Variants in RGS18 observed in about 807,000 individuals in gnomAD.
RGS18 encodes regulator of G protein signaling 18, also known as regulator of G-protein signaling 18.
A neutral mutation model predicts 27.6 loss-of-function variants in RGS18; 22 were observed. That is an observed-to-expected ratio of 0.80 (90% confidence interval 0.57 to 1.14). RGS18 has a LOEUF of 1.14. Among genes scored for constraint, RGS18 ranks in the 50% most tolerant of loss-of-function variants. RGS18 has a pLI of 0.00. For missense variants in RGS18, 299 were observed against 269.6 expected (o/e 1.11, Z -0.76); for synonymous variants, 89 against 84.6 (o/e 1.05, Z -0.29).
At chr1:192,168,922 A>G (rs573222941) in intron 3 of RGS18, 1 of 152,218 alleles carries the variant, frequency 6.6e-6, no homozygotes, top group African/African-American at 2.4e-5. Flanking sequence ...AACAAGACTT[A>G]CTCCGTAGGG....
chr1:192,184,415 C>T lies in RGS18; in HGVS notation c.569C>T (p.Thr190Ile), dbSNP rs751299885. 6.2e-7 allele frequency: 1 copy of T among 1,611,848 alleles called. No individual in the cohort carries two copies. The highest frequency in any genetic ancestry group is 2.2e-5 in the East Asian group (1 of 44,784). ...CAGCTCATGGAACAAGACAGTTATA[C>T]ACGTTTTCTGAAATCTGACATCTAT... Reference protein sequence around the residue: ...VYQLMEQDSYTRFLKSDIYLD... With the variant: ...VYQLMEQDSYIRFLKSDIYLD... Residue 190 changes from threonine to isoleucine, a missense_variant, in exon 5 of 5, where the codon ACA becomes ATA. Transcript: ENST00000367460.
chr1:192,171,376 A>G (rs1656252937), intron 3 of RGS18, among the ~76,000 whole-genome samples: 1 of 152,088 alleles, frequency 6.6e-6, no homozygotes, highest in South Asian at 2.1e-4. Flanking sequence ...ACTAGAAATT[A>G]TCTTACTAGC....
intron 3 of RGS18, among the ~76,000 whole-genome samples, chr1:192,176,016 G>A (rs763621342): frequency 1.4e-4 from 22 of 151,786 alleles, no homozygotes; most frequent in Admixed American, 3.9e-4. Flanking sequence ...CATGGCAGCC[G>A]AGGGATCCCA....
At chr1:192,174,310 G>T (rs1315648639) in intron 3 of RGS18, among the ~76,000 whole-genome samples, 1 of 151,616 alleles carries the variant, frequency 6.6e-6, no homozygotes, top group Non-Finnish European at 1.5e-5. Context: ...ATATCTGTAA[G>T]GTATCAAGCT....
chr1:192,174,017 C>CT (rs1034505534), intron 3 of RGS18, among the ~76,000 whole-genome samples: 19 of 149,000 alleles, frequency 1.3e-4, no homozygotes, highest in South Asian at 2.1e-4. Flanking sequence ...TTTTTTCTTT[C>CT]TTTTTTTTTA....
chr1:192,162,811 T>A, intron 3 of RGS18, among the ~76,000 whole-genome samples: 1 of 152,114 alleles, frequency 6.6e-6, no homozygotes, highest in Non-Finnish European at 1.5e-5. Context: ...GCACTGCCCT[T>A]TAGACTCCTC....
chr1:192,180,115 T>G (rs1359842156), intron 3 of RGS18, among the ~76,000 whole-genome samples: 4 of 151,658 alleles, frequency 2.6e-5, no homozygotes, highest in African/African-American at 7.2e-5. Flanking sequence ...TGTCTAGTTT[T>G]GAAGTCACAT....
At chr1:192,174,151 G>T (rs1258245593) in intron 3 of RGS18, among the ~76,000 whole-genome samples, 1 of 151,402 alleles carries the variant, frequency 6.6e-6, no homozygotes, top group African/African-American at 2.4e-5. Flanking sequence ...TTTGCCTTGT[G>T]ATTTCTCTAA....
chr1:192,176,486 T>G (rs12087357), intron 3 of RGS18, among the ~76,000 whole-genome samples: 179 of 151,786 alleles, frequency 1.2e-3, no homozygotes, highest in African/African-American at 4.1e-3. Context: ...GTATTCTGCT[T>G]GGAAACTACT....
chr1:192,178,073 C>T (rs1026388113), intron 3 of RGS18, among the ~76,000 whole-genome samples: 4 of 150,182 alleles, frequency 2.7e-5, no homozygotes, highest in Admixed American at 1.3e-4. Context: ...ACAGATGGCA[C>T]AAAAATAAAA....
chr1:192,181,339 G>A lies in RGS18; in HGVS notation c.331G>A (p.Glu111Lys). 1 of 1,578,070 alleles carries A rather than the reference G, an allele frequency of 6.3e-7. No homozygotes were observed. The highest frequency in any genetic ancestry group is 8.6e-7 in the Non-Finnish European group (1 of 1,160,842). ...TRFLKTEFSE[E>K]NIEFWIACED... ...ATTTCTTAAAACTGAATTCAGTGAAGAAAATATTGAATTTTGGATAGCCTG... is the reference window on the plus strand; with the variant it reads ...ATTTCTTAAAACTGAATTCAGTGAAAAAAATATTGAATTTTGGATAGCCTG... Residue 111 changes from glutamate to lysine, a missense_variant, in exon 4 of 5, where the codon GAA (glutamate) becomes AAA (lysine). Coordinates refer to ENST00000367460, the MANE Select transcript of RGS18 (RefSeq NM_130782.3).
At chr1:192,170,703 A>T (rs1656240976) in intron 3 of RGS18, among the ~76,000 whole-genome samples, 1 of 152,092 alleles carries the variant, frequency 6.6e-6, no homozygotes, top group Non-Finnish European at 1.5e-5. Context: ...CCATAGACTA[A>T]GTAATAAAAC....
intron 3 of RGS18, among the ~76,000 whole-genome samples, chr1:192,175,781 C>A (rs1656348337): frequency 6.6e-6 from 1 of 151,836 alleles, no homozygotes; most frequent in Non-Finnish European, 1.5e-5. Context: ...ATTCACTCTG[C>A]ACTGGTTACC....
chr1:192,183,015 T>C (rs572861696), intron 4 of RGS18, among the ~76,000 whole-genome samples: 3 of 151,716 alleles, frequency 2.0e-5, no homozygotes, highest in Admixed American at 6.6e-5. Flanking sequence ...TGTGAAGTAA[T>C]TGTGTGATAC....
At position 192,158,700 on chromosome 1, in the gene RGS18, T is replaced by C; in HGVS notation, c.63T>C (p.Phe21=). 2 of 1,581,698 alleles carry C rather than the reference T, an allele frequency of 1.3e-6. No homozygotes were observed. Among genetic ancestry groups the C allele is most frequent in the Non-Finnish European group, 1.7e-6 (2 of 1,169,146 alleles). ...INMCESKEKT[F]FKLIHGSGKE... ...TGTGTGAATCAAAAGAAAAAACTTT[T>C]TTCAAGTTAATACATGGTTCAGGAA... is the stretch of plus-strand genomic sequence containing the variant. Residue 21 remains phenylalanine, a synonymous_variant, in exon 1 of 5, where the codon TTT becomes TTC. Transcript: ENST00000367460.
At chr1:192,173,891 T>C (rs942755062) in intron 3 of RGS18, among the ~76,000 whole-genome samples, 2 of 151,830 alleles carry the variant, frequency 1.3e-5, no homozygotes, top group African/African-American at 4.8e-5. Context: ...TTCTGTTACA[T>C]ATATTTTTCC....
intron 4 of RGS18, among the ~76,000 whole-genome samples, chr1:192,183,084 TA>T (rs1288644916): frequency 1.3e-5 from 2 of 151,532 alleles, no homozygotes; most frequent in Non-Finnish European, 3.0e-5. Flanking sequence ...AAATATTAAT[TA>T]AGTAGAGCTT....
At position 192,158,558 on chromosome 1, in the gene RGS18, T is replaced by C. The variant is rs1656013183; in HGVS notation, c.-80T>C. On this transcript the variant is annotated 5_prime_UTR_variant, in exon 1 of 5. The change abolishes an upstream ATG in the 5' untranslated region. Coordinates refer to ENST00000367460, the MANE Select transcript of RGS18 (RefSeq NM_130782.3). Reference sequence around the variant, plus strand: ...GTTGTGATAACTTTTTATTCTACTATGTATATGTATGGAATAGTATTAATA... The same window carrying C: ...GTTGTGATAACTTTTTATTCTACTACGTATATGTATGGAATAGTATTAATA... 6 of 1,233,994 alleles carry C rather than the reference T, an allele frequency of 4.9e-6. No homozygotes were observed. Among genetic ancestry groups the C allele is most frequent in the South Asian group, 3.8e-5 (2 of 52,162 alleles). 76.4% of individuals were successfully genotyped at this position (1,233,994 alleles called of 1,614,324 possible).
At chr1:192,176,234 C>G (rs944384697) in intron 3 of RGS18, among the ~76,000 whole-genome samples, 15 of 151,834 alleles carry the variant, frequency 9.9e-5, no homozygotes, top group Non-Finnish European at 1.5e-5. Context: ...CAAGTTAGTA[C>G]AAGGTCACTC....
Sources: gnomAD v4.1 joint callset for allele counts (sites outside exome capture counted in the v4.1 genomes callset) on GRCh38, gnomAD v4.1.1 for gene constraint, MANE v1.5 for transcripts, NCBI Gene and HGNC (gene_info 2026-07-23, HGNC 2026-07-21) for gene names.